Variants in EHF observed in about 807,000 individuals in gnomAD.
The protein encoded by EHF is ESE3 transcription factor.
A neutral mutation model predicts 45.1 loss-of-function variants in EHF; 14 were observed. That is an observed-to-expected ratio of 0.31 (90% CI 0.21 to 0.49). The LOEUF is 0.49. Among genes scored for constraint, EHF ranks in the 20% least tolerant of loss-of-function variants. The pLI is 0.99. For synonymous variants in EHF, 136 were observed against 131.8 expected, an observed-to-expected ratio of 1.03 and a Z score of -0.22; for missense variants, 282 against 371.4, an observed-to-expected ratio of 0.76 and a Z score of 1.98.
At chr11:34,633,452 A>G (rs1299057686) in intron 1 of EHF, among the ~76,000 whole-genome samples, 3 of 152,158 alleles carry the variant, frequency 2.0e-5, no homozygotes, top group African/African-American at 7.2e-5. Context: ...CTCAATGGCG[A>G]GAGTGTTCAA....
At chr11:34,649,855 C>T (rs1409370516) in intron 4 of EHF, among the ~76,000 whole-genome samples, 2 of 152,216 alleles carry the variant, frequency 1.3e-5, no homozygotes, top group Non-Finnish European at 2.9e-5. Context: ...GGATGTGTCC[C>T]AGTCACCAAG....
chr11:34,641,682 G>A (rs1042673658), intron 1 of EHF, among the ~76,000 whole-genome samples: 9 of 152,180 alleles, frequency 5.9e-5, no homozygotes, highest in South Asian at 2.1e-4. Flanking sequence ...GCTGCTCTTC[G>A]TTTAAATGAC....
intron 1 of EHF, chr11:34,624,115 G>C (rs1033330454): frequency 6.5e-5 from 12 of 184,464 alleles, no homozygotes; most frequent in Non-Finnish European, 1.1e-4. Flanking sequence ...TGATTTTCAG[G>C]GATACCATTT....
chr11:34,636,244 C>T (rs1853390837), intron 1 of EHF, among the ~76,000 whole-genome samples: 1 of 152,178 alleles, frequency 6.6e-6, no homozygotes, highest in South Asian at 2.1e-4. Context: ...TGTCTTTCGA[C>T]AACACTTTTC....
intron 4 of EHF, among the ~76,000 whole-genome samples, chr11:34,651,007 G>T (rs1590524170): frequency 6.6e-6 from 1 of 152,066 alleles, no homozygotes; most frequent in African/African-American, 2.4e-5. Context: ...AGAGGGAGGG[G>T]GCTGTCACCC....
rs961938766 is a variant in EHF, at chr11:34,660,297, A to C, written c.*1366A>C. ...AATTATATTGTAGAAGGAAACACCA[A>C]GAAAAGAATTTCCAGGGAAAATCCT... On this transcript the variant is annotated 3_prime_UTR_variant, in exon 9 of 9. Transcript: ENST00000257831. 5.9e-5 allele frequency: 9 copies of C among 152,274 alleles called. No homozygotes were observed. The highest frequency in any genetic ancestry group is 2.1e-4 in the South Asian group (1 of 4,822). The allele number at this position is 152,274 out of a possible 1,614,324, so 9.4% of individuals were successfully genotyped here.
chr11:34,648,982 T>C (rs1362953059), intron 3 of EHF, 37 bp from the exon 4 acceptor site: 15 of 1,601,448 alleles, frequency 9.4e-6, no homozygotes, highest in Non-Finnish European at 1.2e-5. Context: ...TGGCTCCATC[T>C]GGGCCCTCTC....
At chr11:34,630,836 T>G (rs1441530858) in intron 1 of EHF, among the ~76,000 whole-genome samples, 1 of 152,124 alleles carries the variant, frequency 6.6e-6, no homozygotes, top group Admixed American at 6.6e-5. Flanking sequence ...CAGTTCTTAA[T>G]GCTCCTGGAG....
At chr11:34,648,480 C>T (rs564361936) in intron 3 of EHF, among the ~76,000 whole-genome samples, 61 of 152,226 alleles carry the variant, frequency 4.0e-4, no homozygotes, top group African/African-American at 1.4e-3. Context: ...GAAAGAGTCA[C>T]CACATTTTAT....
At chr11:34,628,770 C>T (rs1852605391) in intron 1 of EHF, among the ~76,000 whole-genome samples, 1 of 152,168 alleles carries the variant, frequency 6.6e-6, no homozygotes, top group South Asian at 2.1e-4. Context: ...CCTGCCCACC[C>T]ACGGTAATGA....
At chr11:34,648,295 G>A (rs1195990748) in intron 3 of EHF, among the ~76,000 whole-genome samples, 2 of 152,080 alleles carry the variant, frequency 1.3e-5, no homozygotes, top group African/African-American at 2.4e-5. Flanking sequence ...TTCTTGAGAT[G>A]TTTAGAATCT....
At chr11:34,631,745 C>T (rs188072831) in intron 1 of EHF, 1 of 180,314 alleles carries the variant, frequency 5.5e-6, no homozygotes, top group Non-Finnish European at 1.1e-5. Flanking sequence ...AGAGGCTTGA[C>T]TGAGATCTGG....
chr11:34,642,790 T>C, intron 2 of EHF, 63 bp downstream of exon 2: 1 of 1,187,606 alleles, frequency 8.4e-7, no homozygotes, highest in Non-Finnish European at 1.3e-6. Flanking sequence ...CTTTAATTCC[T>C]CTCACAACCT....
rs1032266069 is a variant in EHF, at chr11:34,662,999, C to T, written c.*4068C>T. On this transcript the variant is annotated 3_prime_UTR_variant, in exon 9 of 9. Transcript: ENST00000257831. ...TGTTGAGACTGTGTCTTATGAACCT[C>T]TGAAACGTACAAGCCTTCACAAGTT... is the stretch of plus-strand genomic sequence containing the variant. Among the ~76,000 whole-genome samples the T allele has an allele frequency of 6.6e-6, 1 of 152,068 alleles. No homozygotes were observed.
rs930316587 is a variant in EHF at position 34,661,225 on chromosome 11, G to A, written c.*2294G>A. On this transcript the variant is annotated 3_prime_UTR_variant, in exon 9 of 9. Transcript: ENST00000257831. ...AGTTACTTGAATGGGTATAACGCAT[G>A]AATATTTGTGTGTCTGTGTGTGTGT... Among the ~76,000 whole-genome samples the A allele has an allele frequency of 6.6e-6, 1 of 152,160 alleles. No individual in the cohort carries two copies. Among genetic ancestry groups the A allele is most frequent in the African/African-American group, 2.4e-5 (1 of 41,460 alleles).
chr11:34,653,551 C>T (rs1449701298), intron 6 of EHF, among the ~76,000 whole-genome samples: 1 of 152,170 alleles, frequency 6.6e-6, no homozygotes, highest in East Asian at 1.9e-4. Flanking sequence ...TGCAGCTCCC[C>T]ATTTCTATCC....
intron 6 of EHF, among the ~76,000 whole-genome samples, chr11:34,655,221 T>C (rs1855548507): frequency 6.6e-6 from 1 of 152,214 alleles, no homozygotes; most frequent in Admixed American, 6.5e-5. Flanking sequence ...GAGAGGTTTC[T>C]TGTTTACTGA....
At chr11:34,632,417 A>G (rs1230161465) in intron 1 of EHF, 1 of 1,431,644 alleles carries the variant, frequency 7.0e-7, no homozygotes, top group Admixed American at 2.4e-5. Flanking sequence ...ACCCTCCTAC[A>G]CATAAACACA....
intron 1 of EHF, among the ~76,000 whole-genome samples, chr11:34,636,291 C>T (rs1003818599): frequency 1.3e-5 from 2 of 152,176 alleles, no homozygotes; most frequent in African/African-American, 4.8e-5. Flanking sequence ...AAACTGAGGT[C>T]CTGAGAAGTT....
Sources: allele counts gnomAD v4.1 joint callset (sites outside exome capture counted in the v4.1 genomes callset), GRCh38; gene constraint gnomAD v4.1.1; transcripts MANE v1.5; gene names NCBI Gene and HGNC (gene_info 2026-07-23, HGNC 2026-07-21).